The following ACYP2 variants were observed in gnomAD, a reference collection of about 807,000 sequenced individuals.
ACYP2 encodes acylphosphatase-2.
A neutral mutation model predicts 11.2 loss-of-function variants in ACYP2; 12 were observed. The ratio of observed to expected loss-of-function variants is 1.08; its 90% CI spans 0.69 to 1.74. The LOEUF (loss-of-function observed/expected upper bound fraction) is 1.74, where lower values mean the gene tolerates loss of function less well. ACYP2 is among the 40% of genes most tolerant of loss of function. ACYP2 has a pLI of 0.00. For synonymous variants in ACYP2, 43 were observed against 32.2 expected (o/e 1.33, Z -1.13); for missense variants, 134 against 101.9 (o/e 1.31, Z -1.35).
chr2:53,976,405 A>G (rs569430857), intron 2 of ACYP2, among the ~76,000 whole-genome samples: 13 of 152,220 alleles, frequency 8.5e-5, no homozygotes, highest in Non-Finnish European at 1.6e-4. Context: ...TAGAGTCTCA[A>G]TGTGTTGCCC....
intron 6 of ACYP2, among the ~76,000 whole-genome samples, chr2:54,169,298 C>G (rs1420389017): frequency 6.6e-6 from 1 of 152,138 alleles, no homozygotes; most frequent in Non-Finnish European, 1.5e-5. Flanking sequence ...TGATTTTGAT[C>G]TGTTTCTTTG....
intron 6 of ACYP2, among the ~76,000 whole-genome samples, chr2:54,289,723 A>G (rs926138134): frequency 4.6e-5 from 7 of 151,956 alleles, no homozygotes; most frequent in African/African-American, 1.5e-4. Flanking sequence ...ACCTTCCATC[A>G]TGAGCCTCCC....
chr2:54,112,158 G>A (rs1679494377), intron 4 of ACYP2, among the ~76,000 whole-genome samples: 1 of 152,080 alleles, frequency 6.6e-6, no homozygotes, highest in South Asian at 2.1e-4. Context: ...ATATAAGCAG[G>A]ATTTTCCCTT....
At chr2:54,163,624 G>C (rs576050184) in intron 6 of ACYP2, among the ~76,000 whole-genome samples, 11 of 152,222 alleles carry the variant, frequency 7.2e-5, no homozygotes, top group South Asian at 2.1e-4. Context: ...GGAGGCCTAG[G>C]GGGGTGGCTC....
At chr2:54,095,235 A>G (rs1029041128) in intron 4 of ACYP2, among the ~76,000 whole-genome samples, 2 of 152,224 alleles carry the variant, frequency 1.3e-5, no homozygotes, top group African/African-American at 4.8e-5. Context: ...TCCCAAGGCA[A>G]AATAATTTTT....
chr2:54,255,042 T>C (rs972727803), intron 6 of ACYP2: 6 of 1,614,176 alleles, frequency 3.7e-6, no homozygotes, highest in Middle Eastern at 1.6e-4. Flanking sequence ...AGAGGTCCTC[T>C]TTAATAATCT....
At chr2:54,269,523 A>ATATGGTTGGTGACTCCCACAGCGTGT (rs1688186432) in intron 6 of ACYP2, among the ~76,000 whole-genome samples, 1 of 152,224 alleles carries the variant, frequency 6.6e-6, no homozygotes, top group South Asian at 2.1e-4. Flanking sequence ...CCATCATCAC[A>ATATGGTTGGTGACTCCCACAGCGTGT]TATGGTTGGT....
intron 2 of ACYP2, among the ~76,000 whole-genome samples, chr2:54,047,882 C>T (rs983220731): frequency 1.3e-5 from 2 of 152,174 alleles, no homozygotes; most frequent in Non-Finnish European, 2.9e-5. Flanking sequence ...AGAGTTGAGT[C>T]ATGGTTCTAG....
chr2:54,286,467 T>G (rs972898604), intron 6 of ACYP2, among the ~76,000 whole-genome samples: 28 of 152,046 alleles, frequency 1.8e-4, no homozygotes, highest in African/African-American at 6.8e-4. Flanking sequence ...CTCTGTAAAC[T>G]ACCTTCTTCA....
At chr2:54,143,141 C>T (rs1558566132) in intron 6 of ACYP2, 2 of 152,148 alleles carry the variant, frequency 1.3e-5, no homozygotes, top group African/African-American at 4.8e-5. Flanking sequence ...TCAGTGACTT[C>T]ATTTGTCAGA....
chr2:54,160,987 G>A lies in ACYP2; in HGVS notation c.404+22239G>A, dbSNP rs370363948. ...AACCTAGAACAATGATCTCAAAGTAGGACCTTGGATCAGTAGCATCAGCAT... is the reference window on the plus strand; with the variant it reads ...AACCTAGAACAATGATCTCAAAGTAAGACCTTGGATCAGTAGCATCAGCAT... On this transcript the variant is annotated intron_variant, in intron 6 of 6. Transcript: ENST00000607452. Among the ~76,000 whole-genome samples the A allele has an allele frequency of 5.9e-5, 9 of 152,290 alleles. No homozygotes were observed. The East Asian group carries it at 9.6e-4, about 16-fold the overall frequency.
At chr2:54,141,983 TTGTGTGTG>T (rs56673055) in intron 6 of ACYP2, 195 of 459,440 alleles carry the variant, frequency 4.2e-4, no homozygotes, top group East Asian at 1.0e-3. Flanking sequence ...GCTGGCTAAT[TTGTGTGTG>T]TGTGTGTGTG....
intron 6 of ACYP2, among the ~76,000 whole-genome samples, chr2:54,222,758 T>C (rs751616124): frequency 2.0e-5 from 3 of 152,106 alleles, no homozygotes; most frequent in Admixed American, 6.5e-5. Flanking sequence ...TCCCCGGCCT[T>C]ACAGTCATGT....
At chr2:54,083,176 G>T (rs536684066) in intron 4 of ACYP2, among the ~76,000 whole-genome samples, 11 of 152,228 alleles carry the variant, frequency 7.2e-5, no homozygotes, top group African/African-American at 2.6e-4. Context: ...TGCCCATGTC[G>T]ATTCCCAGCA....
chr2:54,227,493 T>C lies in ACYP2; in HGVS notation c.405-77195T>C, dbSNP rs994819978. 2.0e-5 allele frequency among the ~76,000 whole-genome samples: 3 copies of C among 151,812 alleles called. No individual in the cohort carries two copies. In the South Asian group the frequency reaches 6.2e-4, roughly 32 times the overall value. ...GTCTCTACTAAAATACAAAAAATTA[T>C]CCGGTTCATGGTGGCGCGTGCCTGT... On this transcript the variant is annotated intron_variant, in intron 6 of 6. Coordinates refer to ENST00000607452, the MANE Select transcript of ACYP2 (RefSeq NM_001320586.2).
intron 6 of ACYP2, among the ~76,000 whole-genome samples, chr2:54,152,058 G>A (rs1682198884): frequency 6.7e-6 from 1 of 149,908 alleles, no homozygotes; most frequent in Non-Finnish European, 1.5e-5. Flanking sequence ...TACAATTGAT[G>A]AGCCAATATT....
intron 6 of ACYP2, among the ~76,000 whole-genome samples, chr2:54,204,244 A>G (rs1022927107): frequency 2.7e-5 from 4 of 149,410 alleles, no homozygotes; most frequent in Admixed American, 6.7e-5. Flanking sequence ...TGTTCCGCCC[A>G]CCTCGGCCAA....
At chr2:54,152,869 G>T (rs2103813151) in intron 6 of ACYP2, among the ~76,000 whole-genome samples, 1 of 151,922 alleles carries the variant, frequency 6.6e-6, no homozygotes, top group South Asian at 2.1e-4. Context: ...TTTCTGTGTT[G>T]CCCAGGCTGG....
At chr2:54,162,823 AC>A (rs1328453316) in intron 6 of ACYP2, among the ~76,000 whole-genome samples, 1 of 151,974 alleles carries the variant, frequency 6.6e-6, no homozygotes, top group Non-Finnish European at 1.5e-5. Context: ...AACAACAACA[AC>A]AAAAAATCAG....
Sources: allele counts gnomAD v4.1 joint callset (sites outside exome capture counted in the v4.1 genomes callset), GRCh38; gene constraint gnomAD v4.1.1; transcripts MANE v1.5; gene names NCBI Gene and HGNC (gene_info 2026-07-23, HGNC 2026-07-21).